MALRD1: variants seen among roughly 807,000 people sequenced by gnomAD.
MALRD1 encodes MAM and LDL-receptor class A domain-containing protein 1.
In MALRD1, 247 loss-of-function variants were observed where a neutral mutation model predicts 242.1. That is an observed-to-expected ratio of 1.02 (90% CI 0.92 to 1.13). The LOEUF (loss-of-function observed/expected upper bound fraction) is 1.13, where lower values mean the gene tolerates loss of function less well. Ranked by LOEUF, MALRD1 falls within the 50% of genes most tolerant of loss-of-function variation. MALRD1 has a pLI of 0.00. For missense variants in MALRD1, 2,989 were observed against 2,533.1 expected, an observed-to-expected ratio of 1.18 and a Z score of -3.86; for synonymous variants, 995 against 866.6, an observed-to-expected ratio of 1.15 and a Z score of -2.60.
intron 5 of MALRD1, among the ~76,000 whole-genome samples, chr10:19,114,304 GAAATGAGTGGACTTAAAGA>G (rs1313881226): frequency 6.6e-6 from 1 of 152,114 alleles, no homozygotes; most frequent in Non-Finnish European, 1.5e-5. Context: ...ATTGTATTTA[GAAATGAGTGGACTTAAAGA>G]AAATGAGTGG....
intron 34 of MALRD1, among the ~76,000 whole-genome samples, chr10:19,604,828 A>T (rs1412622058): frequency 6.6e-6 from 1 of 152,158 alleles, no homozygotes; most frequent in African/African-American, 2.4e-5. Flanking sequence ...ATTTATATGC[A>T]CTGGGAAACA....
intron 24 of MALRD1, among the ~76,000 whole-genome samples, chr10:19,346,646 A>G (rs1247120948): frequency 1.3e-5 from 2 of 151,912 alleles, no homozygotes; most frequent in African/African-American, 4.8e-5. Flanking sequence ...TTACTCACTC[A>G]TTGGTTTTTT....
chr10:19,317,037 A>C (rs1842735251), intron 21 of MALRD1, among the ~76,000 whole-genome samples: 1 of 151,294 alleles, frequency 6.6e-6, no homozygotes, highest in Non-Finnish European at 1.5e-5. Flanking sequence ...AAAGATACAC[A>C]CACCTACTAG....
chr10:19,664,289 A>C (rs953728636), intron 36 of MALRD1, among the ~76,000 whole-genome samples: 17 of 152,098 alleles, frequency 1.1e-4, no homozygotes, highest in Non-Finnish European at 8.8e-5. Flanking sequence ...GATTAATTAG[A>C]TCTAATTTAA....
At chr10:19,389,158 G>A (rs751689695) in intron 27 of MALRD1, 50 of 461,728 alleles carry the variant, frequency 1.1e-4, no homozygotes, top group South Asian at 8.3e-4. Context: ...GGTAGTTTGG[G>A]AAATCTATAA....
intron 5 of MALRD1, among the ~76,000 whole-genome samples, chr10:19,117,094 CAA>C (rs35620225): frequency 1.3e-3 from 94 of 70,844 alleles, no homozygotes; most frequent in Non-Finnish European, 1.8e-3. Flanking sequence ...GACTCTGTCT[CAA>C]AAAAAAAAAA....
At chr10:19,577,438 A>T (rs1475963509) in intron 33 of MALRD1, among the ~76,000 whole-genome samples, 2 of 152,174 alleles carry the variant, frequency 1.3e-5, no homozygotes, top group African/African-American at 4.8e-5. Flanking sequence ...TAAAACCTGG[A>T]TTCCCTGCTT....
chr10:19,185,701 A>G (rs1428283055), intron 14 of MALRD1, among the ~76,000 whole-genome samples: 1 of 152,144 alleles, frequency 6.6e-6, no homozygotes, highest in Non-Finnish European at 1.5e-5. Context: ...AGTATTGACC[A>G]AGAATAATTG....
At chr10:19,132,533 G>A (rs1833153118) in intron 8 of MALRD1, among the ~76,000 whole-genome samples, 1 of 152,170 alleles carries the variant, frequency 6.6e-6, no homozygotes, top group African/African-American at 2.4e-5. Flanking sequence ...GTTGAAAGTA[G>A]ATTCATTTTT....
At chr10:19,645,921 T>C (rs902648183) in intron 36 of MALRD1, among the ~76,000 whole-genome samples, 1 of 152,198 alleles carries the variant, frequency 6.6e-6, no homozygotes, top group African/African-American at 2.4e-5. Context: ...TATTTTTTTT[T>C]ATTTTTAAAT....
Position 19,595,183 on chromosome 10 carries a change from C to T in MALRD1, c.5681-11C>T, listed in dbSNP as rs1212484423. ...TAATGCCAAAATAACTTGACTTGCT[C>T]TCTTTTTTAGGTCCTGTCCCAGTGC... On this transcript the variant is annotated splice_polypyrimidine_tract_variant and intron_variant, in intron 33 of 39. Transcript: ENST00000454679. 2 of 1,542,242 alleles carry T rather than the reference C, an allele frequency of 1.3e-6. No homozygotes were observed. The highest frequency in any genetic ancestry group is 2.5e-5 in the East Asian group (1 of 40,758).
intron 28 of MALRD1, among the ~76,000 whole-genome samples, chr10:19,434,472 CATAT>C (rs1027786041): frequency 2.6e-5 from 4 of 151,960 alleles, no homozygotes; most frequent in African/African-American, 9.6e-5. Flanking sequence ...ATATAATTAA[CATAT>C]ATATAAACTT....
At chr10:19,231,095 TTAA>T (rs1838043901) in intron 18 of MALRD1, among the ~76,000 whole-genome samples, 1 of 152,184 alleles carries the variant, frequency 6.6e-6, no homozygotes, top group Admixed American at 6.5e-5. Flanking sequence ...GGAGATCTAA[TTAA>T]TAACTTGTCA....
At position 19,295,398 on chromosome 10, in the gene MALRD1, T is replaced by C. The variant is rs187193104; in HGVS notation, c.3419+12217T>C. On this transcript the variant is annotated intron_variant, in intron 21 of 39. Coordinates refer to ENST00000454679, the MANE Select transcript of MALRD1 (RefSeq NM_001142308.3). ...TTAAAATAGTATCCAATTGTATATA[T>C]ATTTTTATGTCTTTGGTACTAATGA... is the stretch of plus-strand genomic sequence containing the variant. 1.6e-3 allele frequency among the ~76,000 whole-genome samples: 245 copies of C among 152,098 alleles called. 4 individuals are homozygous for C. The highest frequency in any genetic ancestry group is 0.012 in the Admixed American group (188 of 15,242).
At chr10:19,272,430 A>C (rs1840293139) in intron 19 of MALRD1, among the ~76,000 whole-genome samples, 1 of 152,176 alleles carries the variant, frequency 6.6e-6, no homozygotes, top group African/African-American at 2.4e-5. Flanking sequence ...AGAATAGGAG[A>C]TATGAACCAT....
intron 21 of MALRD1, among the ~76,000 whole-genome samples, chr10:19,309,123 C>G (rs556681212): frequency 4.6e-5 from 7 of 151,310 alleles, no homozygotes; most frequent in Non-Finnish European, 1.0e-4. Context: ...TTAAATGAAC[C>G]AGAGTTTCTT....
rs190613207 is a variant in MALRD1 at position 19,406,381 on chromosome 10, C to A, written c.4845+16772C>A. Among the ~76,000 whole-genome samples the A allele has an allele frequency of 3.0e-3, 452 of 152,230 alleles. 3 individuals carry two copies. Among genetic ancestry groups the A allele is most frequent in the African/African-American group, 0.01 (436 of 41,550 alleles). On this transcript the variant is annotated intron_variant, in intron 28 of 39. Coordinates refer to ENST00000454679, the MANE Select transcript of MALRD1 (RefSeq NM_001142308.3). ...TTTTCATTGTATTTCCATTTAAATG[C>A]CCTTTCACTTAATGCCAGAATTCGT... is the stretch of plus-strand genomic sequence containing the variant.
intron 29 of MALRD1, among the ~76,000 whole-genome samples, chr10:19,480,178 A>C (rs1241365770): frequency 6.6e-6 from 1 of 152,242 alleles, no homozygotes; most frequent in Admixed American, 6.5e-5. Context: ...TCAGGAGTAG[A>C]GAATGATAAA....
At chr10:19,602,958 A>C (rs1214224563) in intron 34 of MALRD1, among the ~76,000 whole-genome samples, 1 of 151,998 alleles carries the variant, frequency 6.6e-6, no homozygotes, top group African/African-American at 2.4e-5. Context: ...GATGATGAGC[A>C]TTTTTTCATG....
Sources: gnomAD v4.1 joint callset for allele counts (sites outside exome capture counted in the v4.1 genomes callset) on GRCh38, gnomAD v4.1.1 for gene constraint, MANE v1.5 for transcripts, NCBI Gene and HGNC (gene_info 2026-07-23, HGNC 2026-07-21) for gene names.